SLC24A2: variants seen among roughly 807,000 people sequenced by gnomAD.
SLC24A2 encodes sodium/potassium/calcium exchanger 2.
Under a neutral mutation model 62.0 loss-of-function variants are expected in SLC24A2, and 36 were observed. The observed-to-expected ratio is 0.58, with a 90% CI of 0.44 to 0.77. The LOEUF (loss-of-function observed/expected upper bound fraction) is 0.77. SLC24A2 is among the 30% of genes least tolerant of loss of function. The pLI is 0.00. For synonymous variants in SLC24A2, 358 were observed against 294.0 expected, an observed-to-expected ratio of 1.22 and a Z score of -2.23; for missense variants, 846 against 817.9, an observed-to-expected ratio of 1.03 and a Z score of -0.42.
At chr9:19,526,696 A>G (rs1305623615) in intron 9 of SLC24A2, among the ~76,000 whole-genome samples, 1 of 152,178 alleles carries the variant, frequency 6.6e-6, no homozygotes, top group African/African-American at 2.4e-5. Context: ...ATACTTGAAG[A>G]TGCTTGCCTT....
At chr9:20,280,659 G>A in the SLC24A2 span, among the ~76,000 whole-genome samples, 7 of 152,166 alleles carry the variant, frequency 4.6e-5, no homozygotes, top group Admixed American at 6.5e-5. Flanking sequence ...GTGGGTTACC[G>A]AAAGACATGT....
At chr9:20,214,286 A>G in the SLC24A2 span, among the ~76,000 whole-genome samples, 18,195 of 152,142 alleles carry the variant, frequency 0.12, 2,339 homozygotes, top group East Asian at 0.62. Flanking sequence ...CTGCTGTACT[A>G]TATTGCACCT....
At chr9:19,758,571 T>C (rs1477646544) in intron 2 of SLC24A2, among the ~76,000 whole-genome samples, 1 of 152,182 alleles carries the variant, frequency 6.6e-6, no homozygotes, top group African/African-American at 2.4e-5. Context: ...AATATAACAT[T>C]ATTTGGAAAA....
the SLC24A2 span, among the ~76,000 whole-genome samples, chr9:20,288,834 C>T: frequency 0.16 from 24,106 of 151,834 alleles, 2,539 homozygotes; most frequent in East Asian, 0.28. Context: ...TGGCTGTCTC[C>T]TAGGATGCTC....
chr9:19,754,352 T>A (rs1047056329), intron 2 of SLC24A2, among the ~76,000 whole-genome samples: 3 of 152,196 alleles, frequency 2.0e-5, no homozygotes, highest in African/African-American at 7.2e-5. Flanking sequence ...GACAATCTCA[T>A]GACAGCCTGG....
the SLC24A2 span, among the ~76,000 whole-genome samples, chr9:19,911,801 C>A: frequency 6.6e-6 from 1 of 152,122 alleles, no homozygotes; most frequent in African/African-American, 2.4e-5. Context: ...CTATGATGCA[C>A]CATCGCTATC....
chr9:19,923,596 C>G, the SLC24A2 span, among the ~76,000 whole-genome samples: 1 of 152,208 alleles, frequency 6.6e-6, no homozygotes, highest in Non-Finnish European at 1.5e-5. Context: ...GAAGCAGTCA[C>G]AAGCCCACCC....
the SLC24A2 span, among the ~76,000 whole-genome samples, chr9:20,301,191 T>C: frequency 1.3e-5 from 2 of 152,224 alleles, no homozygotes; most frequent in Admixed American, 1.3e-4. Flanking sequence ...TCTCAGCCTT[T>C]GGCAGGTGAA....
chr9:20,136,637 C>T, the SLC24A2 span, among the ~76,000 whole-genome samples: 1 of 152,108 alleles, frequency 6.6e-6, no homozygotes, highest in South Asian at 2.1e-4. Flanking sequence ...AAGTTTGCAA[C>T]AAATTGACCA....
At chr9:19,701,075 T>G (rs1820342480) in intron 2 of SLC24A2, among the ~76,000 whole-genome samples, 1 of 152,222 alleles carries the variant, frequency 6.6e-6, no homozygotes, top group African/African-American at 2.4e-5. Flanking sequence ...AAATCTGGTC[T>G]ACCTTGTATA....
At chr9:19,771,211 T>C (rs1013010624) in intron 2 of SLC24A2, among the ~76,000 whole-genome samples, 4 of 152,188 alleles carry the variant, frequency 2.6e-5, no homozygotes, top group African/African-American at 9.6e-5. Context: ...TGGATTAATT[T>C]TTAGCCCAGT....
chr9:19,619,306 C>T (rs1359161837), intron 4 of SLC24A2, among the ~76,000 whole-genome samples: 1 of 152,134 alleles, frequency 6.6e-6, no homozygotes, highest in Non-Finnish European at 1.5e-5. Context: ...CCTTTTTGTC[C>T]TCTCTGCTTC....
intron 9 of SLC24A2, among the ~76,000 whole-genome samples, chr9:19,521,329 T>C (rs1271402371): frequency 6.6e-6 from 1 of 152,200 alleles, no homozygotes; most frequent in Non-Finnish European, 1.5e-5. Context: ...AGCCTTTATA[T>C]GGTGCTTTCT....
At chr9:19,572,054 G>C (rs796763588) in intron 7 of SLC24A2, among the ~76,000 whole-genome samples, 30 of 151,686 alleles carry the variant, frequency 2.0e-4, no homozygotes, top group African/African-American at 7.0e-4. Flanking sequence ...TGGATCACCT[G>C]AGGTCAGAAG....
chr9:19,907,879 G>T, the SLC24A2 span, among the ~76,000 whole-genome samples: 4 of 152,144 alleles, frequency 2.6e-5, no homozygotes. Flanking sequence ...TGGGTAGGAA[G>T]AATCAATATC....
chr9:19,863,901 G>T, the SLC24A2 span, among the ~76,000 whole-genome samples: 20 of 151,790 alleles, frequency 1.3e-4, no homozygotes, highest in African/African-American at 4.8e-4. Flanking sequence ...GAAACAAAAA[G>T]TTGTTTTTTT....
rs1236929000 is a variant in SLC24A2, at chr9:19,514,617, A to G, written c.*1536T>C. ...GGAATATTTTAATTTCATGCATTCA[A>G]TGTAATGTTGAGCAAAATCAAGAAA... On this transcript the variant is annotated 3_prime_UTR_variant, in exon 11 of 11. Coordinates refer to ENST00000341998, the MANE Select transcript of SLC24A2 (RefSeq NM_020344.4). 6.6e-6 allele frequency: 1 copy of G among 152,220 alleles called. No individual in the cohort carries two copies. Among genetic ancestry groups the G allele is most frequent in the African/African-American group, 2.4e-5 (1 of 41,448 alleles). 9.4% of individuals were successfully genotyped at this position (152,220 alleles called of 1,614,324 possible).
chr9:19,586,834 A>G (rs1384472845), intron 5 of SLC24A2, among the ~76,000 whole-genome samples: 2 of 152,186 alleles, frequency 1.3e-5, no homozygotes. Flanking sequence ...ACAGATACAA[A>G]TGGCTCACAC....
chr9:20,110,511 ACT>A, the SLC24A2 span, among the ~76,000 whole-genome samples: 11 of 151,912 alleles, frequency 7.2e-5, no homozygotes, highest in East Asian at 2.1e-3. Flanking sequence ...TCAAAGGCTG[ACT>A]CTGTGTACTT....
Sources: gnomAD v4.1 joint callset for allele counts (sites outside exome capture counted in the v4.1 genomes callset) on GRCh38, gnomAD v4.1.1 for gene constraint, MANE v1.5 for transcripts, NCBI Gene and HGNC (gene_info 2026-07-23, HGNC 2026-07-21) for gene names.